The following LRRC37A2 variants were observed in gnomAD, a reference collection of about 807,000 sequenced individuals.
LRRC37A2 encodes leucine-rich repeat-containing protein 37A2.
LRRC37A2 carries 9 observed loss-of-function variants against 68.8 expected under a neutral mutation model. The observed-to-expected ratio is 0.13, with a 90% confidence interval of 0.08 to 0.23. The LOEUF (loss-of-function observed/expected upper bound fraction) is 0.23. LRRC37A2 is among the 10% of genes least tolerant of loss of function. The pLI, the probability that LRRC37A2 is intolerant of heterozygous loss-of-function variation, is 1.00. For missense variants in LRRC37A2, 168 were observed against 950.4 expected, an observed-to-expected ratio of 0.18 and a Z score of 10.82; for synonymous variants, 63 against 367.6, an observed-to-expected ratio of 0.17 and a Z score of 9.48.
the LRRC37A2 span, among the ~76,000 whole-genome samples, chr17:46,879,481 G>A: frequency 6.6e-6 from 1 of 152,226 alleles, no homozygotes; most frequent in East Asian, 1.9e-4. Flanking sequence ...ATGACAACGA[G>A]AATTCCCACA....
chr17:46,533,694 G>C (rs1368059842), intron 6 of LRRC37A2, among the ~76,000 whole-genome samples: 1 of 78,734 alleles, frequency 1.3e-5, no homozygotes, highest in Non-Finnish European at 2.1e-5. Flanking sequence ...TAGAGACAGG[G>C]TTTCACCATG....
chr17:46,545,285 C>CAA lies in LRRC37A2; in HGVS notation c.3054-955_3054-954dup, dbSNP rs71277059. Among the ~76,000 whole-genome samples, 474 of 116,518 alleles carry CAA rather than the reference C, an allele frequency of 4.1e-3. 14 individuals carry two copies. The highest frequency in any genetic ancestry group is 0.017 in the Middle Eastern group (4 of 238). 76.4% of individuals were successfully genotyped at this position (116,518 alleles called of 152,430 possible). On this transcript the variant is annotated intron_variant, in intron 8 of 14. Coordinates refer to ENST00000576629, the Ensembl canonical transcript of LRRC37A2. ...TGTCACTACTGAAAATACAAAAGTA[C>CAA]AAAAAAAAAAAAAAAATTAGCTGGG...
At chr17:46,814,868 G>C in the LRRC37A2 span, among the ~76,000 whole-genome samples, 1 of 152,352 alleles carries the variant, frequency 6.6e-6, no homozygotes, top group South Asian at 2.1e-4. Context: ...ACTGAGGTAG[G>C]TCTTAGGCAG....
the LRRC37A2 span, chr17:47,010,416 A>G: frequency 6.6e-6 from 1 of 152,240 alleles, no homozygotes; most frequent in African/African-American, 2.4e-5. Flanking sequence ...CTGTTCCCAG[A>G]AAGGAAGGGA....
At chr17:46,748,208 G>A in the LRRC37A2 span, among the ~76,000 whole-genome samples, 1 of 152,012 alleles carries the variant, frequency 6.6e-6, no homozygotes, top group Non-Finnish European at 1.5e-5. Context: ...TGACTCTTGG[G>A]TTCAAGCATT....
At chr17:46,878,726 A>G in the LRRC37A2 span, among the ~76,000 whole-genome samples, 1 of 152,106 alleles carries the variant, frequency 6.6e-6, no homozygotes, top group Admixed American at 6.6e-5. Context: ...GCCTGGGAGC[A>G]ACGTGGAGGC....
At chr17:46,962,064 G>C in the LRRC37A2 span, among the ~76,000 whole-genome samples, 4 of 152,194 alleles carry the variant, frequency 2.6e-5, no homozygotes, top group Non-Finnish European at 5.9e-5. Flanking sequence ...AGGCACAGTG[G>C]CTCATGCCTG....
chr17:46,836,386 C>A, the LRRC37A2 span, among the ~76,000 whole-genome samples: 1 of 151,882 alleles, frequency 6.6e-6, no homozygotes, highest in South Asian at 2.1e-4. Context: ...TTTCATGGAC[C>A]CAGAAGGAAA....
At chr17:46,881,020 A>G in the LRRC37A2 span, among the ~76,000 whole-genome samples, 1 of 152,216 alleles carries the variant, frequency 6.6e-6, no homozygotes, top group Admixed American at 6.5e-5. Context: ...TCATTTACAC[A>G]CGAATCCTGT....
At chr17:46,821,925 C>T in the LRRC37A2 span, among the ~76,000 whole-genome samples, 2 of 152,242 alleles carry the variant, frequency 1.3e-5, no homozygotes, top group African/African-American at 4.8e-5. Context: ...CATGGGGCTA[C>T]CCGTCTGTCG....
chr17:46,863,104 G>A, the LRRC37A2 span, among the ~76,000 whole-genome samples: 1 of 67,380 alleles, frequency 1.5e-5, no homozygotes, highest in Non-Finnish European at 2.9e-5. Flanking sequence ...GCAATCAGTC[G>A]TGGGCTAGGG....
At chr17:46,899,164 C>T in the LRRC37A2 span, among the ~76,000 whole-genome samples, 4 of 151,960 alleles carry the variant, frequency 2.6e-5, no homozygotes, top group Admixed American at 1.3e-4. Context: ...CTGAGGCTGG[C>T]GGATCACTTG....
the LRRC37A2 span, chr17:46,922,860 C>T: frequency 1.2e-5 from 5 of 414,144 alleles, no homozygotes; most frequent in African/African-American, 1.0e-4. Flanking sequence ...GGCTCGCCTT[C>T]AACTTTGCTC....
chr17:47,020,638 C>T, the LRRC37A2 span, among the ~76,000 whole-genome samples: 2 of 150,578 alleles, frequency 1.3e-5, no homozygotes, highest in African/African-American at 4.9e-5. Context: ...AAAAATTAGC[C>T]AGGCATGGTG....
At chr17:46,802,852 C>T in the LRRC37A2 span, among the ~76,000 whole-genome samples, 1 of 152,142 alleles carries the variant, frequency 6.6e-6, no homozygotes, top group East Asian at 1.9e-4. Context: ...CTTGTAATAT[C>T]CTTTATAATA....
chr17:46,860,906 T>C, the LRRC37A2 span, among the ~76,000 whole-genome samples: 3 of 152,232 alleles, frequency 2.0e-5, no homozygotes, highest in African/African-American at 7.2e-5. Context: ...TCACCCAGAC[T>C]AGAGTGCAAT....
At chr17:46,995,422 G>T in the LRRC37A2 span, among the ~76,000 whole-genome samples, 1 of 152,168 alleles carries the variant, frequency 6.6e-6, no homozygotes, top group Non-Finnish European at 1.5e-5. Flanking sequence ...ATATGTTAAA[G>T]GAAAACAACA....
the LRRC37A2 span, among the ~76,000 whole-genome samples, chr17:46,950,829 G>A: frequency 2.6e-5 from 4 of 152,302 alleles, no homozygotes; most frequent in Middle Eastern, 3.4e-3. Context: ...GAGGAAAAGC[G>A]GGGCCAGAAG....
At chr17:46,869,103 CT>C in the LRRC37A2 span, among the ~76,000 whole-genome samples, 2 of 152,180 alleles carry the variant, frequency 1.3e-5, no homozygotes, top group Admixed American at 6.5e-5. Context: ...GCCAGGGAGC[CT>C]TCTTTGAGAG....
Sources: gnomAD v4.1 joint callset for allele counts (sites outside exome capture counted in the v4.1 genomes callset) on GRCh38, gnomAD v4.1.1 for gene constraint, MANE v1.5 for transcripts, NCBI Gene and HGNC (gene_info 2026-07-23, HGNC 2026-07-21) for gene names.